GANC: variants seen among roughly 807,000 people sequenced by gnomAD.
GANC encodes the protein glucosidase alpha, neutral C.
A neutral mutation model predicts 124.2 loss-of-function variants in GANC; 117 were observed. That is an observed-to-expected ratio of 0.94 (90% confidence interval 0.81 to 1.10). GANC has a LOEUF of 1.10. Among genes scored for constraint, GANC ranks in the 50% least tolerant of loss-of-function variants. The pLI is 0.00. For synonymous variants in GANC, 377 were observed against 376.8 expected (o/e 1.00, Z -0.01); for missense variants, 1,140 against 1,095.0 (o/e 1.04, Z -0.58).
At chr15:42,319,343 T>TGTTAA (rs2052136078) in intron 10 of GANC, among the ~76,000 whole-genome samples, 1 of 19,786 alleles carries the variant, frequency 5.1e-5, no homozygotes, top group South Asian at 2.5e-3. Flanking sequence ...CTGATGAGCC[T>TGTTAA]CTTTTTTGTT....
In GANC at chr15:42,294,601, G is replaced by A. The variant is rs1167216317; in HGVS notation, c.512+1684G>A. ...AAAAAAAAAAAAAAAAAAGTAATGT[G>A]TTTCCAGTTTTTTGTGTATCCTTTC... On this transcript the variant is annotated intron_variant, in intron 5 of 23. Transcript: ENST00000318010. 2.1e-5 allele frequency among the ~76,000 whole-genome samples: 3 copies of A among 146,068 alleles called. 1 individual carries two copies. Among genetic ancestry groups the A allele is most frequent in the African/African-American group, 7.6e-5 (3 of 39,256 alleles).
intron 3 of GANC, chr15:42,283,751 C>T (rs1283328097): frequency 1.4e-6 from 1 of 702,572 alleles, no homozygotes; most frequent in Non-Finnish European, 2.6e-6. Context: ...CAACCAGCCA[C>T]CTTCTCAGCA....
chr15:42,313,107 A>G (rs1595774615), intron 10 of GANC, among the ~76,000 whole-genome samples: 1 of 152,142 alleles, frequency 6.6e-6, no homozygotes, highest in Non-Finnish European at 1.5e-5. Flanking sequence ...TATAATTTCA[A>G]TAAAGGTTCA....
chr15:42,273,473 C>T lies in GANC; in HGVS notation c.-1009C>T. On this transcript the variant is annotated 5_prime_UTR_variant, in exon 1 of 24. Transcript: ENST00000318010. The stretch of plus-strand genomic sequence containing the variant: ...CGTCCCGCCTTCTTCCGGCTCTGCT[C>T]TAAGGGCGGGATTATCCGGGTCCTG... 1.3e-6 allele frequency: 2 copies of T among 1,591,576 alleles called. No individual in the cohort carries two copies. The highest frequency in any genetic ancestry group is 1.7e-6 in the Non-Finnish European group (2 of 1,170,284).
intron 10 of GANC, among the ~76,000 whole-genome samples, chr15:42,319,099 T>C (rs957193448): frequency 1.3e-5 from 2 of 152,186 alleles, no homozygotes; most frequent in African/African-American, 4.8e-5. Flanking sequence ...AATTTTATCT[T>C]CTAGGCTTTC....
At chr15:42,340,626 A>G (rs1595784164) in intron 17 of GANC, 64 bp from the exon 18 acceptor site, 1 of 1,166,758 alleles carries the variant, frequency 8.6e-7, no homozygotes, top group Admixed American at 2.2e-5. Context: ...AACTAAAAAT[A>G]TAAGTGATTG....
intron 16 of GANC, 81 bp from the exon 17 acceptor site, chr15:42,339,588 C>G (rs1028596155): frequency 4.6e-6 from 7 of 1,520,370 alleles, no homozygotes; most frequent in African/African-American, 2.8e-5. Context: ...TTTCTCCTGT[C>G]GGTCTTCAAG....
chr15:42,284,192 C>T (rs935370109), intron 3 of GANC: 9 of 596,748 alleles, frequency 1.5e-5, no homozygotes, highest in Non-Finnish European at 2.7e-5. Context: ...ACTTAACACC[C>T]ACTGCAAATT....
chr15:42,306,661 C>T, intron 7 of GANC, 49 bp downstream of exon 7: 7 of 1,272,808 alleles, frequency 5.5e-6, no homozygotes, highest in Non-Finnish European at 7.7e-6. Flanking sequence ...CTAAAAATGT[C>T]TACATAATTC....
chr15:42,343,047 T>TA, intron 18 of GANC, 31 bp from the exon 19 acceptor site: 1 of 1,572,056 alleles, frequency 6.4e-7, no homozygotes, highest in South Asian at 1.1e-5. Flanking sequence ...CTTATAATGA[T>TA]ACTCAACTTT....
At chr15:42,333,010 C>A (rs1485795415) in intron 15 of GANC, among the ~76,000 whole-genome samples, 1 of 133,056 alleles carries the variant, frequency 7.5e-6, no homozygotes, top group Non-Finnish European at 1.6e-5. Context: ...AAGAGCAAAA[C>A]TCTGTCTCAA....
At chr15:42,305,139 A>C (rs1156730371) in intron 6 of GANC, among the ~76,000 whole-genome samples, 2 of 152,242 alleles carry the variant, frequency 1.3e-5, no homozygotes, top group Non-Finnish European at 2.9e-5. Context: ...GAGCTTCTGC[A>C]CAGCGAAAGA....
chr15:42,287,966 G>C, intron 4 of GANC, 148 bp downstream of exon 4: 1 of 730,792 alleles, frequency 1.4e-6, no homozygotes, highest in Non-Finnish European at 2.1e-6. Context: ...TGTGGTTTTT[G>C]CCATTACTTT....
At chr15:42,314,290 A>T (rs954190450) in intron 10 of GANC, 13 of 624,408 alleles carry the variant, frequency 2.1e-5, no homozygotes, top group Non-Finnish European at 3.7e-5. Flanking sequence ...GCATTTTCTC[A>T]GCAGAATTTC....
At chr15:42,284,054 G>A (rs1407942901) in intron 3 of GANC, 1 of 698,016 alleles carries the variant, frequency 1.4e-6, no homozygotes, top group South Asian at 1.5e-5. Flanking sequence ...ACAGCTGGTA[G>A]AGGTGGCCAC....
chr15:42,297,205 A>G lies in GANC; in HGVS notation c.513-406A>G, dbSNP rs112082960. Among the ~76,000 whole-genome samples, 667 of 152,326 alleles carry G rather than the reference A, an allele frequency of 4.4e-3. 8 individuals are homozygous for G. Among genetic ancestry groups the G allele is most frequent in the African/African-American group, 0.015 (630 of 41,550 alleles). On this transcript the variant is annotated intron_variant, in intron 5 of 23. Coordinates refer to ENST00000318010, the MANE Select transcript of GANC (RefSeq NM_198141.3). ...AATATTATGAGCATGTTTAACATTT[A>G]TAATAAAAAATGATAAAAGTATTTT... is the stretch of plus-strand genomic sequence containing the variant.
intron 6 of GANC, among the ~76,000 whole-genome samples, chr15:42,303,840 C>T (rs2051969794): frequency 6.6e-6 from 1 of 152,080 alleles, no homozygotes. Flanking sequence ...TACAGGAGCA[C>T]CCAGATTCAT....
intron 23 of GANC, 137 bp from the exon 24 acceptor site, chr15:42,351,893 T>C (rs2052443781): frequency 2.8e-6 from 3 of 1,072,582 alleles, no homozygotes; most frequent in Non-Finnish European, 3.9e-6. Context: ...TGGAAGTTCA[T>C]GGGTAAAAGT....
Position 42,287,798 on chromosome 15 carries a change from A to C in GANC, c.309A>C (p.Thr103=). 5.6e-6 allele frequency: 9 copies of C among 1,613,074 alleles called. No homozygotes were observed. The highest frequency in any genetic ancestry group is 7.6e-6 in the Non-Finnish European group (9 of 1,179,450). ...GATTTGAAGTTCCGGATGTCCTCACAAGCAAGCCAAGCACTGTAAGGTAAG... is the reference window on the plus strand; with the variant it reads ...GATTTGAAGTTCCGGATGTCCTCACCAGCAAGCCAAGCACTGTAAGGTAAG... The part of the protein sequence containing the change: ...KPRFEVPDVL[T]SKPSTVRLIS... Residue 103 remains threonine (T), a synonymous_variant, in exon 4 of 24, where the codon ACA becomes ACC. Transcript: ENST00000318010.
Sources: gnomAD v4.1 joint callset for allele counts (sites outside exome capture counted in the v4.1 genomes callset) on GRCh38, gnomAD v4.1.1 for gene constraint, MANE v1.5 for transcripts, NCBI Gene and HGNC (gene_info 2026-07-23, HGNC 2026-07-21) for gene names.